The following SLC36A1 variants were observed in gnomAD, a reference collection of about 807,000 sequenced individuals.
The protein encoded by SLC36A1 is solute carrier family 36 member 1.
In SLC36A1, 30 loss-of-function variants were observed where a neutral mutation model predicts 47.5. The observed-to-expected ratio is 0.63, with a 90% CI of 0.47 to 0.86. SLC36A1 has a LOEUF of 0.86. Ranked by LOEUF, SLC36A1 falls within the 40% of genes least tolerant of loss-of-function variation. The probability of loss-of-function intolerance (pLI) is 0.00; values close to 1 mark genes in which losing one functional copy is unlikely to be tolerated. For synonymous variants in SLC36A1, 255 were observed against 249.7 expected (o/e 1.02, Z -0.20); for missense variants, 517 against 606.0 (o/e 0.85, Z 1.54).
chr5:151,507,230 T>G, the SLC36A1 span: 1 of 1,613,102 alleles, frequency 6.2e-7, no homozygotes, highest in Non-Finnish European at 8.5e-7. Context: ...CTGGCGGGAG[T>G]CTGGGGGGCA....
At chr5:151,544,808 A>G in the SLC36A1 span, 1 of 1,614,210 alleles carries the variant, frequency 6.2e-7, no homozygotes, top group Non-Finnish European at 8.5e-7. Flanking sequence ...GCAAATTCAT[A>G]TGTAACAGCC....
rs1254380085 is a variant in SLC36A1, at chr5:151,464,443, G to T, written c.235-71G>T. The T allele has an allele frequency of 9.8e-6, 13 of 1,321,254 alleles. No individual in the cohort carries two copies. In the South Asian group the frequency reaches 1.2e-4, roughly 12 times the overall value. 81.8% of individuals were successfully genotyped at this position (1,321,254 alleles called of 1,614,324 possible). On this transcript the variant is annotated intron_variant, in intron 3 of 10. Transcript: ENST00000243389. ...AGCTTTTTAATCCTTTGTGAACTGA[G>T]TATCCATTGGGTTCACTCCTAATTC...
chr5:151,448,921 G>T (rs1581045368), intron 1 of SLC36A1, among the ~76,000 whole-genome samples: 1 of 152,054 alleles, frequency 6.6e-6, no homozygotes, highest in African/African-American at 2.4e-5. Context: ...TTTTTTGTTT[G>T]TTTGTTTTTA....
the SLC36A1 span, chr5:151,534,339 G>C: frequency 2.3e-6 from 3 of 1,282,546 alleles, no homozygotes; most frequent in Admixed American, 2.1e-5. Context: ...GAGACACAAA[G>C]GGGACCAAAC....
At chr5:151,481,903 C>T (rs1758850037) in intron 10 of SLC36A1, among the ~76,000 whole-genome samples, 1 of 152,222 alleles carries the variant, frequency 6.6e-6, no homozygotes, top group Non-Finnish European at 1.5e-5. Context: ...CTGGCCCCAC[C>T]TGTGGAGTCT....
the SLC36A1 span, among the ~76,000 whole-genome samples, chr5:151,548,964 C>A: frequency 2.0e-5 from 3 of 152,134 alleles, no homozygotes; most frequent in Non-Finnish European, 4.4e-5. Flanking sequence ...ATAAAGTGTT[C>A]TAAGATACAT....
chr5:151,400,651 C>T, the SLC36A1 span, among the ~76,000 whole-genome samples: 1 of 152,160 alleles, frequency 6.6e-6, no homozygotes, highest in Non-Finnish European at 1.5e-5. Flanking sequence ...CTTTTCTCCA[C>T]AGCCTTGCCA....
At chr5:151,436,383 T>C (rs533581506), upstream of SLC36A1, among the ~76,000 whole-genome samples, 13 of 152,278 alleles carry the variant, frequency 8.5e-5, no homozygotes, top group Non-Finnish European at 1.2e-4. Context: ...GAAAGGCAGA[T>C]TGAAGGGTGG....
rs1167051880 is a variant in SLC36A1, at chr5:151,489,894, A to T, written c.*1640A>T. On this transcript the variant is annotated 3_prime_UTR_variant, in exon 11 of 11. Transcript: ENST00000243389. This position sits in a 1 kb window ranked among gnomAD's most constrained non-coding sequence, Gnocchi z 4.5. The stretch of plus-strand genomic sequence containing the variant: ...CAGGCTCTTGCTTCACTGCAGATAC[A>T]GTTCACTCTGAAAGCTGGTTGAAGG... 2 of 152,182 alleles carry T rather than the reference A, an allele frequency of 1.3e-5. No homozygotes were observed. Among genetic ancestry groups the T allele is most frequent in the Non-Finnish European group, 2.9e-5 (2 of 68,054 alleles). The allele number at this position is 152,182 out of a possible 1,614,324, so 9.4% of individuals were successfully genotyped here.
At chr5:151,440,315 T>C (rs1752548639) in intron 1 of SLC36A1, among the ~76,000 whole-genome samples, 1 of 152,186 alleles carries the variant, frequency 6.6e-6, no homozygotes, top group Non-Finnish European at 1.5e-5. Context: ...TCCTGGCACA[T>C]TGTAAGCATA....
rs11322925 is a variant in SLC36A1 at position 151,438,399 on chromosome 5, T to TA, written c.-6+1231dup. Among the ~76,000 whole-genome samples the TA allele has an allele frequency of 7.1e-3, 1,049 of 147,698 alleles. 15 individuals carry two copies. Among genetic ancestry groups the TA allele is most frequent in the East Asian group, 0.028 (142 of 5,100 alleles). ...GAACAGGCTGTTCTTAACTAGAGAT[T>TA]AAAAAAAAAAACACCTCAGGTGCTC... On this transcript the variant is annotated intron_variant, in intron 1 of 8. Transcript: ENST00000429484.
chr5:151,455,636 A>C (rs756480763), intron 1 of SLC36A1, among the ~76,000 whole-genome samples: 4 of 152,232 alleles, frequency 2.6e-5, no homozygotes, highest in Admixed American at 6.5e-5. Flanking sequence ...TCAGTAATAT[A>C]TAGGTGTCAA....
chr5:151,446,769 A>G (rs1432001318), upstream of SLC36A1, among the ~76,000 whole-genome samples: 1 of 152,188 alleles, frequency 6.6e-6, no homozygotes, highest in African/African-American at 2.4e-5. Flanking sequence ...AGTTCTGTAT[A>G]TATCTGTTAG....
At chr5:151,380,418 A>G in the SLC36A1 span, 2 of 400,716 alleles carry the variant, frequency 5.0e-6, no homozygotes, top group Non-Finnish European at 1.0e-5. Context: ...AACCCAAAGG[A>G]AGAAGCAGAA....
At chr5:151,469,903 T>A (rs560326694) in intron 7 of SLC36A1, among the ~76,000 whole-genome samples, 1 of 152,248 alleles carries the variant, frequency 6.6e-6, no homozygotes, top group Non-Finnish European at 1.5e-5. Flanking sequence ...CACCCACTGA[T>A]ATAGTTTCCA....
the SLC36A1 span, among the ~76,000 whole-genome samples, chr5:151,514,711 A>G: frequency 6.6e-6 from 1 of 152,136 alleles, no homozygotes; most frequent in Admixed American, 6.5e-5. Context: ...TCCCACTCTC[A>G]GCTGATCATC....
the SLC36A1 span, among the ~76,000 whole-genome samples, chr5:151,555,795 C>T: frequency 1.3e-5 from 2 of 152,160 alleles, no homozygotes; most frequent in Non-Finnish European, 1.5e-5. Flanking sequence ...TAGAAGAGAT[C>T]ATCAGTGAAG....
chr5:151,453,541 C>T (rs1264498161), intron 1 of SLC36A1, among the ~76,000 whole-genome samples: 2 of 151,972 alleles, frequency 1.3e-5, no homozygotes, highest in African/African-American at 2.4e-5. Context: ...TCTTAATCCT[C>T]CTTTATTTTG....
At chr5:151,527,028 G>A in the SLC36A1 span, among the ~76,000 whole-genome samples, 8,799 of 152,262 alleles carry the variant, frequency 0.058, 405 homozygotes, top group South Asian at 0.23. Context: ...AGTCTCAAAT[G>A]AGGTAATGGA....
Sources: allele counts gnomAD v4.1 joint callset (sites outside exome capture counted in the v4.1 genomes callset), GRCh38; gene constraint gnomAD v4.1.1; non-coding constraint Gnocchi (gnomAD v3.1); transcripts MANE v1.5; gene names NCBI Gene and HGNC (gene_info 2026-07-23, HGNC 2026-07-21).